Variants in GRIK4 observed in about 807,000 individuals in gnomAD.
GRIK4 encodes the protein glutamate receptor ionotropic, kainate 4.
In GRIK4, 40 loss-of-function variants were observed where a neutral mutation model predicts 104.9. That is an observed-to-expected ratio of 0.38 (90% CI 0.30 to 0.50). The LOEUF (loss-of-function observed/expected upper bound fraction) is 0.50. Ranked by LOEUF, GRIK4 falls within the 20% of genes least tolerant of loss-of-function variation. The probability of loss-of-function intolerance (pLI) is 0.93; values close to 1 mark genes in which losing one functional copy is unlikely to be tolerated. For synonymous variants in GRIK4, 485 were observed against 524.9 expected (o/e 0.92, Z 1.04); for missense variants, 1,047 against 1,308.1 (o/e 0.80, Z 3.08).
intron 16 of GRIK4, among the ~76,000 whole-genome samples, chr11:120,960,311 G>C (rs1944261017): frequency 6.6e-6 from 1 of 152,190 alleles, no homozygotes; most frequent in South Asian, 2.1e-4. Flanking sequence ...CCTGGCAACA[G>C]AGCAAGACTC....
At chr11:120,528,445 T>C (rs1947885980) in intron 1 of GRIK4, among the ~76,000 whole-genome samples, 1 of 152,210 alleles carries the variant, frequency 6.6e-6, no homozygotes, top group Non-Finnish European at 1.5e-5. Flanking sequence ...GTCTGAAATA[T>C]GTTGGTCCTG....
intron 3 of GRIK4, among the ~76,000 whole-genome samples, chr11:120,722,861 G>A (rs1950959662): frequency 6.6e-6 from 1 of 152,192 alleles, no homozygotes; most frequent in Non-Finnish European, 1.5e-5. Flanking sequence ...GGCAGTCTGT[G>A]CTGGGGCCTT....
At chr11:120,826,894 C>T (rs1953278028) in intron 6 of GRIK4, among the ~76,000 whole-genome samples, 1 of 152,250 alleles carries the variant, frequency 6.6e-6, no homozygotes, top group South Asian at 2.1e-4. Flanking sequence ...TCTTGTCCCT[C>T]TGGTGAGGGT....
At chr11:120,960,068 C>T (rs1007524131) in intron 16 of GRIK4, among the ~76,000 whole-genome samples, 23 of 152,146 alleles carry the variant, frequency 1.5e-4, no homozygotes, top group Middle Eastern at 3.4e-3. Flanking sequence ...TGGTGGCTCA[C>T]GCCTGTAATC....
At chr11:120,625,485 G>C (rs1246106885) in intron 1 of GRIK4, among the ~76,000 whole-genome samples, 1 of 152,200 alleles carries the variant, frequency 6.6e-6, no homozygotes, top group Non-Finnish European at 1.5e-5. Flanking sequence ...AGGCCCTCCT[G>C]AGCTTCATTT....
chr11:120,577,404 G>A (rs1046200097), intron 1 of GRIK4, among the ~76,000 whole-genome samples: 1 of 151,990 alleles, frequency 6.6e-6, no homozygotes, highest in Non-Finnish European at 1.5e-5. Flanking sequence ...GGCTTCTTCT[G>A]GTTCTGAAGG....
At chr11:120,818,954 T>TA (rs1953031820) in intron 5 of GRIK4, among the ~76,000 whole-genome samples, 1 of 152,166 alleles carries the variant, frequency 6.6e-6, no homozygotes, top group South Asian at 2.1e-4. Flanking sequence ...ACTTTCCTAT[T>TA]ACCTACCAAA....
At position 120,811,742 on chromosome 11, in the gene GRIK4, T is replaced by C. The variant is rs896572664; in HGVS notation, c.248-3636T>C. 6.9e-4 allele frequency among the ~76,000 whole-genome samples: 105 copies of C among 152,348 alleles called. 1 individual carries two copies. The highest frequency in any genetic ancestry group is 1.6e-4 in the Non-Finnish European group (11 of 68,036). ...TATTAAATAAATATTTTTAATACTA[T>C]TATAAACTGTTCATAAGTATTTTAA... is the stretch of plus-strand genomic sequence containing the variant. On this transcript the variant is annotated intron_variant, in intron 4 of 20. Coordinates refer to ENST00000527524, the MANE Select transcript of GRIK4 (RefSeq NM_014619.5).
intron 3 of GRIK4, among the ~76,000 whole-genome samples, chr11:120,689,060 G>A (rs1426472735): frequency 6.6e-6 from 1 of 152,158 alleles, no homozygotes; most frequent in Admixed American, 6.5e-5. Flanking sequence ...TGCTAGGATG[G>A]AAGAAGGCCC....
chr11:120,532,887 C>T (rs1181685755), intron 1 of GRIK4, among the ~76,000 whole-genome samples: 6 of 152,102 alleles, frequency 3.9e-5, no homozygotes, highest in Admixed American at 2.6e-4. Flanking sequence ...AGGGGATGAG[C>T]CCGGTAGGGC....
intron 3 of GRIK4, among the ~76,000 whole-genome samples, chr11:120,795,986 G>A (rs1432738702): frequency 6.6e-6 from 1 of 150,670 alleles, no homozygotes; most frequent in Admixed American, 6.6e-5. Context: ...TATTTTTGTT[G>A]GTGTTATTTT....
chr11:120,853,342 A>G (rs1462233295), intron 8 of GRIK4, among the ~76,000 whole-genome samples: 1 of 152,192 alleles, frequency 6.6e-6, no homozygotes, highest in Non-Finnish European at 1.5e-5. Flanking sequence ...TGTGGAGTTT[A>G]AAAAGATCTC....
chr11:120,809,990 A>C (rs896018818), intron 4 of GRIK4, among the ~76,000 whole-genome samples: 3 of 152,160 alleles, frequency 2.0e-5, no homozygotes, highest in African/African-American at 7.2e-5. Context: ...GCTTGAGCCC[A>C]GGGGTTCAAG....
chr11:120,530,092 C>T (rs1006928597), intron 1 of GRIK4, among the ~76,000 whole-genome samples: 3 of 152,234 alleles, frequency 2.0e-5, no homozygotes, highest in Non-Finnish European at 4.4e-5. Context: ...CTGAGAGTCC[C>T]TGACCTTGGA....
chr11:120,873,670 TAGG>T (rs1565407360), intron 9 of GRIK4: 1 of 174,466 alleles, frequency 5.7e-6, no homozygotes, highest in African/African-American at 2.4e-5. Context: ...AATGGGCAGA[TAGG>T]GGGGCAGTGG....
chr11:120,864,748 G>C (rs143822630), intron 9 of GRIK4, among the ~76,000 whole-genome samples: 5 of 152,200 alleles, frequency 3.3e-5, no homozygotes, highest in African/African-American at 1.2e-4. Flanking sequence ...AGACAGATGA[G>C]GGTCCTTCGG....
At chr11:120,596,931 G>T (rs1226295372) in intron 1 of GRIK4, among the ~76,000 whole-genome samples, 1 of 152,134 alleles carries the variant, frequency 6.6e-6, no homozygotes, top group Non-Finnish European at 1.5e-5. Context: ...TACCATGTTG[G>T]CCAGGCTAGT....
intron 8 of GRIK4, among the ~76,000 whole-genome samples, chr11:120,857,503 CA>C (rs35053767): frequency 3.5e-3 from 1 of 282 alleles, no homozygotes; most frequent in Non-Finnish European, 7.2e-3. Flanking sequence ...TGCACACATG[CA>C]CACACACACA....
At chr11:120,854,383 A>G (rs1410836003) in intron 8 of GRIK4, among the ~76,000 whole-genome samples, 2 of 152,204 alleles carry the variant, frequency 1.3e-5, no homozygotes, top group Non-Finnish European at 2.9e-5. Context: ...AGAGGCTGCA[A>G]ATAGGGCCAG....
Sources: allele counts gnomAD v4.1 joint callset (sites outside exome capture counted in the v4.1 genomes callset), GRCh38; gene constraint gnomAD v4.1.1; transcripts MANE v1.5; gene names NCBI Gene and HGNC (gene_info 2026-07-23, HGNC 2026-07-21).